The following DPP6 variants were observed in gnomAD, a reference collection of about 807,000 sequenced individuals.
The protein encoded by DPP6 is A-type potassium channel modulatory protein DPP6.
Under a neutral mutation model 122.6 loss-of-function variants are expected in DPP6, and 69 were observed. The observed-to-expected ratio is 0.56, with a 90% CI of 0.46 to 0.69. DPP6 has a LOEUF of 0.69. Ranked by LOEUF, DPP6 falls within the 30% of genes least tolerant of loss-of-function variation. The pLI, the probability that DPP6 is intolerant of heterozygous loss-of-function variation, is 0.00. For missense variants in DPP6, 928 were observed against 1,116.9 expected, an observed-to-expected ratio of 0.83 and a Z score of 2.41; for synonymous variants, 418 against 433.1, an observed-to-expected ratio of 0.97 and a Z score of 0.43.
the DPP6 span, among the ~76,000 whole-genome samples, chr7:153,859,452 C>A: frequency 5.3e-5 from 8 of 152,120 alleles, no homozygotes; most frequent in African/African-American, 1.9e-4. Flanking sequence ...GCTGTCTAGA[C>A]CATGTTGTGC....
intron 1 of DPP6, among the ~76,000 whole-genome samples, chr7:154,184,269 A>G (rs1798243030): frequency 6.6e-6 from 1 of 151,480 alleles, no homozygotes; most frequent in African/African-American, 2.4e-5. Context: ...AAGAAAAAGA[A>G]TGTAGAACCA....
chr7:154,736,007 C>A (rs1842554707), intron 8 of DPP6, among the ~76,000 whole-genome samples: 1 of 152,252 alleles, frequency 6.6e-6, no homozygotes. Context: ...ATGGCTGCCT[C>A]AGTGCCAAAC....
At position 154,831,604 on chromosome 7, in the gene DPP6, C is replaced by A. The variant is rs557745553; in HGVS notation, c.1667-22176C>A. Among the ~76,000 whole-genome samples the A allele has an allele frequency of 4.6e-5, 7 of 152,098 alleles. No homozygotes were observed. The East Asian group carries it at 1.3e-3, about 29-fold the overall frequency. On this transcript the variant is annotated intron_variant, in intron 16 of 25. Coordinates refer to ENST00000377770, the MANE Select transcript of DPP6 (RefSeq NM_130797.4). ...TTTATGAATGTTACAAACATTATTTCTTTTTAAAAAAAATCTCTTGAAATC... is the reference window on the plus strand; with the variant it reads ...TTTATGAATGTTACAAACATTATTTATTTTTAAAAAAAATCTCTTGAAATC...
intron 1 of DPP6, among the ~76,000 whole-genome samples, chr7:154,098,500 G>A (rs1161489636): frequency 6.6e-6 from 1 of 152,134 alleles, no homozygotes. Context: ...CTCAGGTCTA[G>A]GCAGGTAATT....
intron 5 of DPP6, among the ~76,000 whole-genome samples, chr7:154,604,044 T>G (rs1833508170): frequency 8.2e-6 from 1 of 121,394 alleles, no homozygotes; most frequent in African/African-American, 2.6e-5. Flanking sequence ...TAAAAGTTTA[T>G]TTTAAAAATC....
At position 154,760,066 on chromosome 7, in the gene DPP6, T is replaced by A. The variant is rs759527912; in HGVS notation, c.884-9351T>A. 6.6e-6 allele frequency among the ~76,000 whole-genome samples: 1 copy of A among 152,104 alleles called. No homozygotes were observed. Among genetic ancestry groups the A allele is most frequent in the African/African-American group, 2.4e-5 (1 of 41,430 alleles). On this transcript the variant is annotated intron_variant, in intron 8 of 25. Transcript: ENST00000377770. This position sits in a 1 kb window ranked among gnomAD's most constrained non-coding sequence, Gnocchi z 4.5. Reference sequence around the variant, plus strand: ...TGAACCCAGCAGGCAGAGGTTGCAGTGAGCAGAAATCATGCCATTGCACTC... The same window carrying A: ...TGAACCCAGCAGGCAGAGGTTGCAGAGAGCAGAAATCATGCCATTGCACTC...
intron 1 of DPP6, among the ~76,000 whole-genome samples, chr7:154,175,465 A>G (rs1219590546): frequency 3.3e-5 from 5 of 150,168 alleles, no homozygotes; most frequent in African/African-American, 4.9e-5. Flanking sequence ...TTTTCCCCCC[A>G]CCCCACCCCC....
intron 2 of DPP6, among the ~76,000 whole-genome samples, chr7:154,461,728 TA>T (rs1821317529): frequency 6.6e-6 from 1 of 152,216 alleles, no homozygotes; most frequent in African/African-American, 2.4e-5. Flanking sequence ...GATGTTTTCC[TA>T]TAGAGTTGTT....
intron 1 of DPP6, among the ~76,000 whole-genome samples, chr7:153,960,973 A>T (rs1795324453): frequency 6.6e-6 from 1 of 152,128 alleles, no homozygotes; most frequent in Admixed American, 6.5e-5. Flanking sequence ...TGCTTCTGAC[A>T]TTGGGCATGG....
chr7:154,653,886 C>T (rs571130852), intron 6 of DPP6, among the ~76,000 whole-genome samples: 5 of 152,204 alleles, frequency 3.3e-5, no homozygotes, highest in South Asian at 2.1e-4. Context: ...ATTCCATTTC[C>T]GTGTGACTGT....
intron 6 of DPP6, among the ~76,000 whole-genome samples, chr7:154,663,722 G>A (rs1837928419): frequency 1.9e-5 from 1 of 52,690 alleles, no homozygotes; most frequent in Non-Finnish European, 6.0e-5. Flanking sequence ...TATAGTCATG[G>A]TGAATCACCA....
intron 1 of DPP6, among the ~76,000 whole-genome samples, chr7:153,912,348 G>T (rs1399869785): frequency 6.6e-6 from 1 of 152,196 alleles, no homozygotes; most frequent in African/African-American, 2.4e-5. Flanking sequence ...GCTGAGAGGG[G>T]AGGTCAGAGA....
At chr7:154,259,797 T>C (rs1317495139) in intron 1 of DPP6, among the ~76,000 whole-genome samples, 3 of 152,328 alleles carry the variant, frequency 2.0e-5, no homozygotes, top group East Asian at 3.9e-4. Context: ...TGAGTTTCTG[T>C]TGTATGCCAA....
At chr7:154,254,314 T>G (rs1802528720) in intron 1 of DPP6, among the ~76,000 whole-genome samples, 4 of 152,198 alleles carry the variant, frequency 2.6e-5, no homozygotes, top group Admixed American at 1.3e-4. Flanking sequence ...TTGATTTTGT[T>G]GTATTACAAA....
In DPP6 at chr7:154,893,057, A is replaced by T; in HGVS notation, c.*577A>T. ...ACAGAGTCTTACTGTAGCTACGCTA[A>T]TGGTTAACCTGATAGAATTAACTCG... On this transcript the variant is annotated 3_prime_UTR_variant, in exon 26 of 26. Coordinates refer to ENST00000377770, the MANE Select transcript of DPP6 (RefSeq NM_130797.4). 1 of 443,468 alleles carries T rather than the reference A, an allele frequency of 2.3e-6. No individual in the cohort carries two copies. The highest frequency in any genetic ancestry group is 1.7e-5 in the South Asian group (1 of 58,968). The allele number at this position is 443,468 out of a possible 1,614,324, so 27.5% of individuals were successfully genotyped here.
At chr7:154,032,971 G>A (rs6954003) in intron 1 of DPP6, among the ~76,000 whole-genome samples, 1,783 of 151,844 alleles carry the variant, frequency 0.012, 50 homozygotes, top group African/African-American at 0.041. Context: ...CTTTGAAGGT[G>A]GCTTTATATA....
chr7:154,197,242 G>A (rs1287033952), intron 1 of DPP6, among the ~76,000 whole-genome samples: 1 of 151,620 alleles, frequency 6.6e-6, no homozygotes, highest in Non-Finnish European at 1.5e-5. Flanking sequence ...CAGAAGATAT[G>A]TAAAGCTCTA....
intron 7 of DPP6, among the ~76,000 whole-genome samples, chr7:154,671,682 G>A (rs1838565373): frequency 6.6e-6 from 1 of 152,172 alleles, no homozygotes. Context: ...TTAGAATTAA[G>A]TCTATAATTG....
chr7:153,928,156 C>G (rs1020329519), intron 1 of DPP6, among the ~76,000 whole-genome samples: 1 of 151,616 alleles, frequency 6.6e-6, no homozygotes, highest in Non-Finnish European at 1.5e-5. Context: ...AGCTGGAAGT[C>G]CAAGATCAAG....
Sources: gnomAD v4.1 joint callset for allele counts (sites outside exome capture counted in the v4.1 genomes callset) on GRCh38, gnomAD v4.1.1 for gene constraint, Gnocchi (gnomAD v3.1) non-coding constraint, MANE v1.5 for transcripts, NCBI Gene and HGNC (gene_info 2026-07-23, HGNC 2026-07-21) for gene names.